Variants in CPLANE1 observed in about 807,000 individuals in gnomAD.
The protein encoded by CPLANE1 is ciliogenesis and planar polarity effector 1.
CPLANE1 carries 263 observed loss-of-function variants against 362.5 expected under a neutral mutation model. The ratio of observed to expected loss-of-function variants is 0.73; its 90% CI spans 0.66 to 0.80. CPLANE1 has a LOEUF of 0.80. Among genes scored for constraint, CPLANE1 ranks in the 30% least tolerant of loss-of-function variants. CPLANE1 has a pLI of 0.00. For synonymous variants in CPLANE1, 1,212 were observed against 1,302.6 expected (o/e 0.93, Z 1.50); for missense variants, 3,461 against 3,793.4 (o/e 0.91, Z 2.30).
intron 46 of CPLANE1, among the ~76,000 whole-genome samples, chr5:37,129,982 T>C (rs1224075401): frequency 3.3e-5 from 5 of 152,180 alleles, no homozygotes; most frequent in African/African-American, 4.8e-5. Context: ...TGCAAAAATA[T>C]GGAACCAGCC....
chr5:37,207,159 G>T (rs1377922827), intron 16 of CPLANE1, among the ~76,000 whole-genome samples: 1 of 152,096 alleles, frequency 6.6e-6, no homozygotes, highest in Non-Finnish European at 1.5e-5. Flanking sequence ...TTAAAAATAG[G>T]ATAAAAGAAA....
the CPLANE1 span, among the ~76,000 whole-genome samples, chr5:37,093,743 G>A: frequency 6.6e-6 from 1 of 152,170 alleles, no homozygotes; most frequent in South Asian, 2.1e-4. Context: ...AAGACCCAAT[G>A]CAGAAAACAG....
the CPLANE1 span, among the ~76,000 whole-genome samples, chr5:37,078,813 T>C: frequency 6.6e-6 from 1 of 152,172 alleles, no homozygotes; most frequent in Non-Finnish European, 1.5e-5. Flanking sequence ...TGATCAGTGA[T>C]GTTGAGCTTC....
In CPLANE1 at chr5:37,245,465, A is replaced by T; in HGVS notation, c.337+14T>A. 7.0e-7 allele frequency: 1 copy of T among 1,431,178 alleles called. No individual in the cohort carries two copies. The highest frequency in any genetic ancestry group is 1.6e-5 in the South Asian group (1 of 63,176). 88.7% of individuals were successfully genotyped at this position (1,431,178 alleles called of 1,614,324 possible). ...CCTAGTTAAACCAACTTAAACAAAT[A>T]AAAAAATTCCCACCGACTGTAGCTT... On this transcript the variant is annotated intron_variant, in intron 4 of 52. Coordinates refer to ENST00000651892, the MANE Select transcript of CPLANE1 (RefSeq NM_001384732.1).
At chr5:37,239,903 G>C in intron 6 of CPLANE1, 34 bp from the exon 7 acceptor site, 1 of 1,373,314 alleles carries the variant, frequency 7.3e-7, no homozygotes, top group Non-Finnish European at 9.6e-7. Context: ...AAAACAAAAG[G>C]TATAGTAACT....
chr5:37,218,008 T>C (rs1482673424), intron 15 of CPLANE1, among the ~76,000 whole-genome samples: 1 of 151,820 alleles, frequency 6.6e-6, no homozygotes, highest in East Asian at 1.9e-4. Flanking sequence ...ATAAAAATAA[T>C]AGAAACCCTA....
intron 39 of CPLANE1, 64 bp from the exon 40 acceptor site, chr5:37,157,932 CA>C (rs1157107088): frequency 0.042 from 2,848 of 67,400 alleles, 1 homozygote; most frequent in African/African-American, 0.093. Flanking sequence ...GTCACTCCGC[CA>C]AAAAAAAAAA....
intron 32 of CPLANE1, among the ~76,000 whole-genome samples, 181 bp from the exon 33 acceptor site, chr5:37,170,512 A>G (rs1779495885): frequency 6.6e-6 from 1 of 152,074 alleles, no homozygotes; most frequent in Non-Finnish European, 1.5e-5. Flanking sequence ...GGAGAGGAAA[A>G]AAATGATAAC....
Position 37,107,118 on chromosome 5 carries a change from T to C in CPLANE1, c.*484A>G. 3 of 985,496 alleles carry C rather than the reference T, an allele frequency of 3.0e-6. No homozygotes were observed. The highest frequency in any genetic ancestry group is 3.6e-6 in the Non-Finnish European group (3 of 829,972). 61.0% of individuals were successfully genotyped at this position (985,496 alleles called of 1,614,324 possible). ...TGGTAAAAGGTAGTTGGTTTTTCTT[T>C]TCACTCCTAGGCTAAACCCTGCATA... On this transcript the variant is annotated 3_prime_UTR_variant, in exon 53 of 53. Transcript: ENST00000651892.
In CPLANE1 at chr5:37,169,359, C is replaced by A. The variant is rs1222685350; in HGVS notation, c.6665G>T (p.Gly2222Val). Residue 2222 changes from glycine (G) to valine (V), a missense_variant, in exon 34 of 53, where the codon GGT (glycine) becomes GTT (valine). This residue lies in a region of CPLANE1 where 3,380 missense variants were observed against 3,666.1 expected (regional missense o/e 0.92). Transcript: ENST00000651892. ...LIPHAKTFSP[G>V]DGFPLLQFKS... ...AAATTGAAGCAAAGGAAAGCCATCA[C>A]CAGGACTAAATGTTTTTGCATGTGG... is the stretch of plus-strand genomic sequence containing the variant. The A allele has an allele frequency of 6.2e-7, 1 of 1,614,160 alleles. No homozygotes were observed. Among genetic ancestry groups the A allele is most frequent in the South Asian group, 1.1e-5 (1 of 91,068 alleles).
chr5:37,248,041 C>G (rs577249228), intron 1 of CPLANE1, among the ~76,000 whole-genome samples: 14 of 152,104 alleles, frequency 9.2e-5, no homozygotes. Flanking sequence ...CCATCCACTT[C>G]GTCCTCCCAA....
In CPLANE1 at chr5:37,229,576, A is replaced by C. The variant is rs569233437; in HGVS notation, c.1121+1291T>G. ...TAAATAATAAATATAAATATAATCA[A>C]GTAAACACCCTACCTCAGTTTCCTT... On this transcript the variant is annotated intron_variant, in intron 9 of 52. Coordinates refer to ENST00000651892, the MANE Select transcript of CPLANE1 (RefSeq NM_001384732.1). Among the ~76,000 whole-genome samples the C allele has an allele frequency of 3.0e-3, 450 of 150,682 alleles. 3 individuals carry two copies. Among genetic ancestry groups the C allele is most frequent in the Non-Finnish European group, 2.2e-3 (152 of 67,604 alleles).
rs765436783 is a variant in CPLANE1, at chr5:37,183,706, C to CA, written c.4482-8dup. 14 of 1,531,196 alleles carry CA rather than the reference C, an allele frequency of 9.1e-6. No homozygotes were observed. Among genetic ancestry groups the CA allele is most frequent in the Middle Eastern group, 2.1e-4 (1 of 4,800 alleles). 94.9% of individuals were successfully genotyped at this position (1,531,196 alleles called of 1,614,324 possible). ...CATGTGATTTGGGGCATTTCTATAG[C>CA]AAAAAAATAAAATAAGACAAAATTA... On this transcript the variant is annotated splice_region_variant and splice_polypyrimidine_tract_variant and intron_variant, in intron 25 of 52. Coordinates refer to ENST00000651892, the MANE Select transcript of CPLANE1 (RefSeq NM_001384732.1).
intron 8 of CPLANE1, among the ~76,000 whole-genome samples, chr5:37,232,262 A>C (rs1369594111): frequency 6.6e-6 from 1 of 152,124 alleles, no homozygotes; most frequent in Non-Finnish European, 1.5e-5. Flanking sequence ...ACAGGCCCAT[A>C]ATCCCAACAC....
At chr5:37,201,313 C>T (rs1286605731) in intron 19 of CPLANE1, among the ~76,000 whole-genome samples, 6 of 151,922 alleles carry the variant, frequency 3.9e-5, no homozygotes, top group Admixed American at 3.9e-4. Context: ...TACTATATGT[C>T]CCAGGTCCTG....
rs767189816 is a variant in CPLANE1, at chr5:37,121,656, G to A, written c.9146C>T (p.Thr3049Ile). Residue 3049 changes from threonine (T) to isoleucine (I), a missense_variant, in exon 49 of 53, where the codon ACT becomes ATT. Thr to Ile is a moderately conservative substitution (Grantham distance 89, BLOSUM62 -1). Coordinates refer to ENST00000651892, the MANE Select transcript of CPLANE1 (RefSeq NM_001384732.1). The part of the protein sequence containing the change: ...QKPLPNKPSP[T>I]QSSSCQHCPS... ...GCAGTGTTGACAACTGGAAGACTGA[G>A]TAGGGCTGGGTTTGTTAGGCAATGG... The A allele has an allele frequency of 2.1e-5, 34 of 1,614,054 alleles. No homozygotes were observed. The highest frequency in any genetic ancestry group is 3.3e-5 in the Admixed American group (2 of 60,006).
At chr5:37,211,411 C>T (rs1022132582) in intron 16 of CPLANE1, 3 of 1,515,978 alleles carry the variant, frequency 2.0e-6, no homozygotes, top group South Asian at 1.4e-5. Context: ...AAAAACATTA[C>T]TTCCAGTTCC....
In CPLANE1 at chr5:37,182,930, T is replaced by A; in HGVS notation, c.5251A>T (p.Ile1751Leu). ...GSIGRLLEWM[I>L]RWSNRRLLCD... ...AGTAGCCTTCTATTAGACCACCTTA[T>A]CATCCATTCCAGCAGTCTTCCTATA... Residue 1751 changes from isoleucine (I) to leucine (L), a missense_variant, in exon 26 of 53, where the codon ATA becomes TTA. Physicochemically the swap from Ile to Leu is conservative, Grantham distance 5 (BLOSUM62 2). Around this residue, in one of 2 missense-constraint regions of CPLANE1, gnomAD observed 3,380 missense variants for 3,666.1 expected, o/e 0.92. Coordinates refer to ENST00000651892, the MANE Select transcript of CPLANE1 (RefSeq NM_001384732.1). 1 of 1,605,594 alleles carries A rather than the reference T, an allele frequency of 6.2e-7. No homozygotes were observed. Among genetic ancestry groups the A allele is most frequent in the Non-Finnish European group, 8.5e-7 (1 of 1,176,502 alleles).
chr5:37,109,403 C>A (rs902595208), intron 51 of CPLANE1, among the ~76,000 whole-genome samples: 3 of 152,128 alleles, frequency 2.0e-5, no homozygotes, highest in Admixed American at 6.5e-5. Context: ...GACATTCATG[C>A]CTGGTCTTTA....
Sources: gnomAD v4.1 joint callset for allele counts (sites outside exome capture counted in the v4.1 genomes callset) on GRCh38, gnomAD v4.1.1 for gene constraint, gnomAD v4.1.1 regional missense constraint, MANE v1.5 for transcripts, NCBI Gene and HGNC (gene_info 2026-07-23, HGNC 2026-07-21) for gene names.